The following NEBL variants were observed in gnomAD, a reference collection of about 807,000 sequenced individuals.
The protein encoded by NEBL is LIM and SH3 protein 2.
A neutral mutation model predicts 140.2 loss-of-function variants in NEBL; 122 were observed. That is an observed-to-expected ratio of 0.87 (90% confidence interval 0.75 to 1.01). The LOEUF (loss-of-function observed/expected upper bound fraction) is 1.01, where lower values mean the gene tolerates loss of function less well. NEBL is among the 50% of genes least tolerant of loss of function. The pLI, the probability that NEBL is intolerant of heterozygous loss-of-function variation, is 0.00. For synonymous variants in NEBL, 436 were observed against 398.9 expected, an observed-to-expected ratio of 1.09 and a Z score of -1.11; for missense variants, 1,365 against 1,231.3, an observed-to-expected ratio of 1.11 and a Z score of -1.62.
intron 2 of NEBL, among the ~76,000 whole-genome samples, chr10:21,075,920 C>T (rs1042844752): frequency 3.9e-5 from 6 of 151,982 alleles, no homozygotes; most frequent in South Asian, 2.1e-4. Context: ...CCAAGAAGCA[C>T]GTATGAAAGA....
chr10:21,285,496 T>G (rs1380257009), intron 1 of NEBL, among the ~76,000 whole-genome samples: 2 of 152,118 alleles, frequency 1.3e-5, no homozygotes, highest in Non-Finnish European at 2.9e-5. Context: ...CGAATCAGAG[T>G]GCTTCTTACA....
At chr10:21,168,401 TGAGA>T (rs1257071012) in intron 2 of NEBL, among the ~76,000 whole-genome samples, 1 of 152,134 alleles carries the variant, frequency 6.6e-6, no homozygotes, top group Non-Finnish European at 1.5e-5. Flanking sequence ...TTGAAAACTG[TGAGA>T]GATTCTGTAA....
chr10:20,910,236 A>G (rs1340293), intron 4 of NEBL, among the ~76,000 whole-genome samples: 72,139 of 152,090 alleles, frequency 0.47, 18,309 homozygotes, highest in Non-Finnish European at 0.55. Flanking sequence ...AGGTTCATAC[A>G]AAAGCAGTAT....
intron 3 of NEBL, among the ~76,000 whole-genome samples, chr10:21,231,570 A>G (rs1012055538): frequency 2.0e-5 from 3 of 151,998 alleles, no homozygotes; most frequent in Admixed American, 2.0e-4. Context: ...AGAAAAGAAA[A>G]AGAAAAGAGG....
chr10:20,847,019 A>C (rs957055610), intron 11 of NEBL, among the ~76,000 whole-genome samples: 2 of 152,134 alleles, frequency 1.3e-5, no homozygotes, highest in Admixed American at 6.6e-5. Flanking sequence ...CATAGCAAAG[A>C]CACCAGTGGC....
intron 2 of NEBL, among the ~76,000 whole-genome samples, chr10:21,028,279 GAGAAATAAAACATTT>G (rs1589151136): frequency 1.3e-5 from 1 of 75,146 alleles, no homozygotes; most frequent in African/African-American, 4.5e-5. Context: ...GAAGAAGAAT[GAGAAATAAAACATTT>G]AAAAATAAGC....
chr10:21,122,118 C>T (rs1216281468), intron 2 of NEBL, among the ~76,000 whole-genome samples: 1 of 151,954 alleles, frequency 6.6e-6, no homozygotes, highest in Non-Finnish European at 1.5e-5. Context: ...CTCCACCTCC[C>T]AGGTTCAAGC....
chr10:20,917,904 G>GATGATA (rs1201273787), intron 4 of NEBL, among the ~76,000 whole-genome samples: 1 of 152,170 alleles, frequency 6.6e-6, no homozygotes, highest in Admixed American at 6.5e-5. Flanking sequence ...TTAAAAGAAA[G>GATGATA]ATGATATTAT....
chr10:21,018,756 C>T (rs894302790), intron 3 of NEBL, among the ~76,000 whole-genome samples: 5 of 152,124 alleles, frequency 3.3e-5, no homozygotes, highest in Admixed American at 6.5e-5. Flanking sequence ...TCAGGCCGGG[C>T]GCAGTGGCTC....
chr10:20,889,585 G>A (rs1846839762), intron 3 of NEBL, among the ~76,000 whole-genome samples: 1 of 152,034 alleles, frequency 6.6e-6, no homozygotes, highest in Admixed American at 6.6e-5. Context: ...GCCTTTTCAA[G>A]AGGAATCGTA....
Position 20,783,100 on chromosome 10 carries a change from T to C in NEBL, c.*2647A>G, listed in dbSNP as rs2131604781. Reference sequence around the variant, plus strand: ...AAATCTTCTTTAGCTGTCAGCTTCATGCACGAGATACCTGTTGCCAAACCA... The same window carrying C: ...AAATCTTCTTTAGCTGTCAGCTTCACGCACGAGATACCTGTTGCCAAACCA... On this transcript the variant is annotated 3_prime_UTR_variant, in exon 28 of 28. Transcript: ENST00000377122. 1 of 152,770 alleles carries C rather than the reference T, an allele frequency of 6.5e-6. No individual in the cohort carries two copies. Among genetic ancestry groups the C allele is most frequent in the Middle Eastern group, 3.4e-3 (1 of 294 alleles). 9.5% of individuals were successfully genotyped at this position (152,770 alleles called of 1,614,324 possible). A position where few individuals can be genotyped will look rare whatever the true frequency, so the allele number is the denominator to read the frequency against.
chr10:21,028,987 C>G (rs1833659047), intron 2 of NEBL: 1 of 591,904 alleles, frequency 1.7e-6, no homozygotes, highest in African/African-American at 1.9e-5. Flanking sequence ...GTGTTGCTTT[C>G]CCGCTCCCAA....
chr10:21,280,195 G>A (rs1246089685), intron 1 of NEBL, among the ~76,000 whole-genome samples: 1 of 152,056 alleles, frequency 6.6e-6, no homozygotes, highest in Non-Finnish European at 1.5e-5. Context: ...ATAGCAAAAT[G>A]GAACCAGCAT....
intron 3 of NEBL, among the ~76,000 whole-genome samples, chr10:21,213,007 G>T (rs1841940799): frequency 2.6e-5 from 4 of 151,986 alleles, no homozygotes; most frequent in Admixed American, 2.6e-4. Context: ...CCAGACCACC[G>T]TGACAAAACG....
chr10:21,028,587 T>C (rs1240075111), intron 2 of NEBL, among the ~76,000 whole-genome samples: 3 of 152,140 alleles, frequency 2.0e-5, no homozygotes, highest in Non-Finnish European at 1.5e-5. Flanking sequence ...ATTAAAGTAT[T>C]CTAAGATCTT....
intron 4 of NEBL, among the ~76,000 whole-genome samples, chr10:20,925,782 T>C (rs921632685): frequency 1.3e-5 from 2 of 152,064 alleles, no homozygotes; most frequent in African/African-American, 4.8e-5. Flanking sequence ...CCATATTGGC[T>C]ATTGTCTCAT....
chr10:21,181,168 C>A (rs1337629884), intron 3 of NEBL, among the ~76,000 whole-genome samples: 1 of 151,430 alleles, frequency 6.6e-6, no homozygotes, highest in African/African-American at 2.4e-5. Flanking sequence ...GAGGCTGAGG[C>A]AGGAGAATCG....
chr10:20,849,993 T>C (rs1175291208), intron 11 of NEBL, among the ~76,000 whole-genome samples: 4 of 152,166 alleles, frequency 2.6e-5, no homozygotes, highest in East Asian at 1.9e-4. Flanking sequence ...GTTAGTTCTA[T>C]TTTCATTGAA....
intron 3 of NEBL, among the ~76,000 whole-genome samples, chr10:21,013,683 GC>G (rs1838441182): frequency 1.3e-5 from 2 of 152,168 alleles, no homozygotes; most frequent in African/African-American, 4.8e-5. Flanking sequence ...TTCGAGACCA[GC>G]CTGGCCAACA....
Sources: gnomAD v4.1 joint callset for allele counts (sites outside exome capture counted in the v4.1 genomes callset) on GRCh38, gnomAD v4.1.1 for gene constraint, MANE v1.5 for transcripts, NCBI Gene and HGNC (gene_info 2026-07-23, HGNC 2026-07-21) for gene names.